Variants in DPYD observed in about 807,000 individuals in gnomAD.
DPYD encodes the protein dihydropyrimidine dehydrogenase, also known as dihydropyrimidine dehydrogenase [NADP(+)].
A neutral mutation model predicts 116.2 loss-of-function variants in DPYD; 109 were observed. That is an observed-to-expected ratio of 0.94 (90% CI 0.80 to 1.10). DPYD has a LOEUF of 1.10. Ranked by LOEUF, DPYD falls within the 50% of genes least tolerant of loss-of-function variation. The pLI, the probability that DPYD is intolerant of heterozygous loss-of-function variation, is 0.00. For synonymous variants in DPYD, 440 were observed against 432.0 expected (o/e 1.02, Z -0.23); for missense variants, 1,302 against 1,254.5 (o/e 1.04, Z -0.57).
chr1:97,500,492 T>C (rs1404104312), intron 13 of DPYD, among the ~76,000 whole-genome samples: 1 of 152,044 alleles, frequency 6.6e-6, no homozygotes, highest in Non-Finnish European at 1.5e-5. Context: ...GTCATTTTGT[T>C]ATCTTATATT....
At chr1:97,546,304 C>G (rs899000660) in intron 12 of DPYD, 3 of 1,432,252 alleles carry the variant, frequency 2.1e-6, no homozygotes, top group African/African-American at 2.8e-5. Context: ...TGTGCTATTA[C>G]CACAGTCAAA....
chr1:97,448,247 C>T (rs956083725), intron 14 of DPYD, among the ~76,000 whole-genome samples: 1 of 152,022 alleles, frequency 6.6e-6, no homozygotes, highest in Non-Finnish European at 1.5e-5. Flanking sequence ...TATTTAAGGA[C>T]AACATAGGCA....
intron 18 of DPYD, among the ~76,000 whole-genome samples, chr1:97,246,811 CAAGT>C (rs1189477754): frequency 3.3e-5 from 5 of 151,904 alleles, no homozygotes; most frequent in Admixed American, 6.6e-5. Context: ...AACAAAATAT[CAAGT>C]AAGGGAAGTT....
At chr1:97,293,588 A>G (rs1570449380) in intron 18 of DPYD, among the ~76,000 whole-genome samples, 1 of 152,182 alleles carries the variant, frequency 6.6e-6, no homozygotes, top group Non-Finnish European at 1.5e-5. Flanking sequence ...TCTATTAGCT[A>G]GAATTTCTTA....
chr1:97,846,075 A>G (rs1670286838), intron 2 of DPYD, among the ~76,000 whole-genome samples: 1 of 152,292 alleles, frequency 6.6e-6, no homozygotes, highest in South Asian at 2.1e-4. Context: ...TGGTGGTGCG[A>G]GCCGAGAACA....
At chr1:97,439,741 C>G (rs1675661273) in intron 14 of DPYD, among the ~76,000 whole-genome samples, 1 of 151,444 alleles carries the variant, frequency 6.6e-6, no homozygotes, top group East Asian at 1.9e-4. Flanking sequence ...TTTATTATAT[C>G]ATTTATTTTA....
intron 20 of DPYD, among the ~76,000 whole-genome samples, chr1:97,102,281 C>G (rs538137506): frequency 2.4e-4 from 37 of 151,212 alleles, no homozygotes; most frequent in Admixed American, 2.1e-3. Context: ...TAATCACACT[C>G]TCTTATCTAA....
chr1:97,575,724 G>C (rs1035717234), intron 10 of DPYD, among the ~76,000 whole-genome samples: 26 of 152,136 alleles, frequency 1.7e-4, no homozygotes, highest in Non-Finnish European at 3.5e-4. Context: ...AAGCGGAATT[G>C]AATCAAATTT....
chr1:97,200,032 C>T (rs1570654130), intron 19 of DPYD, among the ~76,000 whole-genome samples: 1 of 152,136 alleles, frequency 6.6e-6, no homozygotes, highest in East Asian at 1.9e-4. Flanking sequence ...AATATTTATC[C>T]CAGGTAAATA....
intron 1 of DPYD, among the ~76,000 whole-genome samples, chr1:97,895,311 T>C (rs976785062): frequency 6.6e-6 from 1 of 151,794 alleles, no homozygotes; most frequent in African/African-American, 2.4e-5. Flanking sequence ...GCTAAGTGTA[T>C]ACCAGCATGC....
chr1:97,441,947 T>TATA (rs1250149374), intron 14 of DPYD, among the ~76,000 whole-genome samples: 1 of 152,158 alleles, frequency 6.6e-6, no homozygotes, highest in African/African-American at 2.4e-5. Context: ...GAGTCTTATT[T>TATA]ATATTCTATT....
intron 3 of DPYD, among the ~76,000 whole-genome samples, chr1:97,780,004 T>C (rs919233387): frequency 6.6e-6 from 1 of 152,216 alleles, no homozygotes; most frequent in African/African-American, 2.4e-5. Flanking sequence ...CTTACATAAC[T>C]TAATTTCTAC....
rs759766897 is a variant in DPYD at position 97,098,610 on chromosome 1, T to C, written c.2645A>G (p.Tyr882Cys). ...TATGATTTTCTTGCGCTGTTCCAGA[T>C]AAGGTCCAAAACTTGGCAGTTTCTA... ...MDKKLPSFGP[Y>C]LEQRKKIIAE... Residue 882 changes from tyrosine to cysteine, a missense_variant, in exon 21 of 23, where the codon TAT becomes TGT. Coordinates refer to ENST00000370192, the MANE Select transcript of DPYD (RefSeq NM_000110.4). The C allele has an allele frequency of 6.2e-7, 1 of 1,612,986 alleles. No individual in the cohort carries two copies. Among genetic ancestry groups the C allele is most frequent in the African/African-American group, 1.3e-5 (1 of 74,974 alleles).
At chr1:97,214,150 A>G (rs1353810583) in intron 19 of DPYD, among the ~76,000 whole-genome samples, 2 of 152,156 alleles carry the variant, frequency 1.3e-5, no homozygotes, top group South Asian at 2.1e-4. Context: ...GGGGGTACCA[A>G]TAGAATTCCC....
At chr1:97,742,575 A>G (rs1305119489) in intron 3 of DPYD, among the ~76,000 whole-genome samples, 1 of 152,118 alleles carries the variant, frequency 6.6e-6, no homozygotes, top group East Asian at 1.9e-4. Context: ...CCGAAACACT[A>G]TTGTTGAGTT....
intron 14 of DPYD, among the ~76,000 whole-genome samples, chr1:97,430,554 A>T (rs998437437): frequency 2.0e-5 from 3 of 151,174 alleles, no homozygotes; most frequent in Admixed American, 6.6e-5. Flanking sequence ...GCGTCACTGC[A>T]CTCCAGCCTG....
intron 8 of DPYD, among the ~76,000 whole-genome samples, chr1:97,601,822 A>G (rs1655266904): frequency 6.6e-6 from 1 of 152,050 alleles, no homozygotes; most frequent in Non-Finnish European, 1.5e-5. Context: ...GTGTTCAGAC[A>G]GAATGCAGAA....
intron 8 of DPYD, among the ~76,000 whole-genome samples, chr1:97,638,587 T>G (rs1657701128): frequency 6.6e-6 from 1 of 152,110 alleles, no homozygotes; most frequent in South Asian, 2.1e-4. Flanking sequence ...TATAAAGGAG[T>G]ACCTGAGACT....
At chr1:97,098,760 T>C (rs1440521570) in intron 20 of DPYD, 128 bp from the exon 21 acceptor site, 4 of 1,097,420 alleles carry the variant, frequency 3.6e-6, no homozygotes, top group South Asian at 1.4e-5. Context: ...ATACTGTAAC[T>C]AGGTCTTCAC....
Sources: allele counts gnomAD v4.1 joint callset (sites outside exome capture counted in the v4.1 genomes callset), GRCh38; gene constraint gnomAD v4.1.1; transcripts MANE v1.5; gene names NCBI Gene and HGNC (gene_info 2026-07-23, HGNC 2026-07-21).